Variants in SLC1A1 observed in about 807,000 individuals in gnomAD.
SLC1A1 encodes excitatory amino acid transporter 3.
In SLC1A1, 43 loss-of-function variants were observed where a neutral mutation model predicts 53.3. That is an observed-to-expected ratio of 0.81 (90% CI 0.63 to 1.04). The LOEUF is 1.04. Among genes scored for constraint, SLC1A1 ranks in the 50% least tolerant of loss-of-function variants. The pLI is 0.00. For synonymous variants in SLC1A1, 307 were observed against 243.2 expected (o/e 1.26, Z -2.44); for missense variants, 748 against 664.9 (o/e 1.12, Z -1.37).
intron 4 of SLC1A1, among the ~76,000 whole-genome samples, chr9:4,565,075 T>G (rs1819350960): frequency 6.6e-6 from 1 of 152,214 alleles, no homozygotes; most frequent in African/African-American, 2.4e-5. Context: ...ACCAAAACTT[T>G]TAGACATTGC....
intron 1 of SLC1A1, among the ~76,000 whole-genome samples, chr9:4,491,288 A>T (rs1586680054): frequency 6.6e-6 from 1 of 152,278 alleles, no homozygotes; most frequent in South Asian, 2.1e-4. Context: ...GTCGCCGCTC[A>T]TCCTGGGCAG....
chr9:4,491,731 G>A (rs138090643), intron 1 of SLC1A1, among the ~76,000 whole-genome samples: 2 of 152,298 alleles, frequency 1.3e-5, no homozygotes, highest in African/African-American at 2.4e-5. Context: ...AGCAGGTGAG[G>A]GCTGTTGCAC....
chr9:4,527,424 C>A (rs1321033930), intron 1 of SLC1A1, among the ~76,000 whole-genome samples: 1 of 152,190 alleles, frequency 6.6e-6, no homozygotes, highest in African/African-American at 2.4e-5. Context: ...TCTATCTACC[C>A]TGTTGTATGA....
At chr9:4,573,565 C>T (rs1820263139) in intron 7 of SLC1A1, among the ~76,000 whole-genome samples, 1 of 152,110 alleles carries the variant, frequency 6.6e-6, no homozygotes, top group African/African-American at 2.4e-5. Context: ...GAGGGTCAAG[C>T]TCAAGTGAGA....
At chr9:4,584,645 T>C (rs1340146911) in intron 11 of SLC1A1, among the ~76,000 whole-genome samples, 1 of 152,156 alleles carries the variant, frequency 6.6e-6, no homozygotes, top group Non-Finnish European at 1.5e-5. Context: ...AAATGGATCC[T>C]CTCCTCTGCA....
intron 5 of SLC1A1, among the ~76,000 whole-genome samples, chr9:4,567,285 T>TA (rs1325047809): frequency 6.6e-6 from 1 of 152,210 alleles, no homozygotes; most frequent in Non-Finnish European, 1.5e-5. Context: ...TTGCTCAGAT[T>TA]AAAAATCATT....
Position 4,490,733 on chromosome 9 carries a change from C to A in SLC1A1, c.54C>A (p.Asn18Lys). Residue 18 changes from asparagine to lysine, a missense_variant, in exon 1 of 12, where the codon AAC (asparagine) becomes AAA (lysine). Transcript: ENST00000262352. ...AGTGGAAGCGCTTCCTGAAGAATAA[C>A]TGGGTGTTGCTGTCCACCGTGGCCG... ...GCEWKRFLKN[N>K]WVLLSTVAAV... 6.2e-7 allele frequency: 1 copy of A among 1,612,874 alleles called. No individual in the cohort carries two copies. Among genetic ancestry groups the A allele is most frequent in the South Asian group, 1.1e-5 (1 of 91,048 alleles).
At chr9:4,572,708 C>T (rs1481877905) in intron 7 of SLC1A1, among the ~76,000 whole-genome samples, 2 of 152,098 alleles carry the variant, frequency 1.3e-5, no homozygotes, top group Non-Finnish European at 2.9e-5. Context: ...CCACCATGCC[C>T]AGCTATTTTT....
intron 1 of SLC1A1, among the ~76,000 whole-genome samples, chr9:4,538,041 C>T (rs77966834): frequency 0.021 from 3,124 of 152,156 alleles, 115 homozygotes; most frequent in African/African-American, 0.071. Context: ...ATACAAAAGA[C>T]AATTCATTTG....
intron 1 of SLC1A1, among the ~76,000 whole-genome samples, chr9:4,496,259 G>A (rs963654647): frequency 1.3e-5 from 2 of 152,126 alleles, no homozygotes; most frequent in Admixed American, 6.5e-5. Context: ...GAGGGTCTGA[G>A]GAGGAAGTTC....
chr9:4,573,898 C>A lies in SLC1A1; in HGVS notation c.768-9C>A. 6.3e-7 allele frequency: 1 copy of A among 1,579,696 alleles called. No homozygotes were observed. On this transcript the variant is annotated splice_polypyrimidine_tract_variant and intron_variant, in intron 7 of 11. Coordinates refer to ENST00000262352, the MANE Select transcript of SLC1A1 (RefSeq NM_004170.6). ...ACGGAATCACGCCTCTGTTGTGCTTCCTTTCCAGTTATATGCCACTAGGTA... is the reference window on the plus strand; with the variant it reads ...ACGGAATCACGCCTCTGTTGTGCTTACTTTCCAGTTATATGCCACTAGGTA...
At chr9:4,540,073 A>G (rs1193312730) in intron 1 of SLC1A1, among the ~76,000 whole-genome samples, 1 of 152,110 alleles carries the variant, frequency 6.6e-6, no homozygotes, top group East Asian at 1.9e-4. Context: ...CCTGCCACCC[A>G]TCATGTGCCC....
intron 2 of SLC1A1, among the ~76,000 whole-genome samples, chr9:4,557,682 C>T (rs570430787): frequency 5.5e-4 from 84 of 152,260 alleles, no homozygotes; most frequent in African/African-American, 2.0e-3. Flanking sequence ...GTCAGTCACA[C>T]TAGCCACTTT....
In SLC1A1 at chr9:4,575,993, G is replaced by C. The variant is rs1820509101; in HGVS notation, c.876-8G>C. ...TTTGAAACTTTAATTTCTCTTTCTT[G>C]TTTACAGGCTTGCAATCCACTCCAT... On this transcript the variant is annotated splice_polypyrimidine_tract_variant and splice_region_variant and intron_variant, in intron 8 of 11. Transcript: ENST00000262352. The C allele has an allele frequency of 6.2e-7, 1 of 1,613,886 alleles. No individual in the cohort carries two copies. Among genetic ancestry groups the C allele is most frequent in the Non-Finnish European group, 8.5e-7 (1 of 1,179,766 alleles).
Position 4,490,659 on chromosome 9 carries a change from C to A in SLC1A1, c.-21C>A, listed in dbSNP as rs755339021. 1 of 1,607,568 alleles carries A rather than the reference C, an allele frequency of 6.2e-7. No homozygotes were observed. Among genetic ancestry groups the A allele is most frequent in the Non-Finnish European group, 8.5e-7 (1 of 1,175,046 alleles). On this transcript the variant is annotated 5_prime_UTR_variant, in exon 1 of 12. Coordinates refer to ENST00000262352, the MANE Select transcript of SLC1A1 (RefSeq NM_004170.6). ...CCCACGCGCGCACGGCCGAGCCCAG[C>A]GCACAATAGCGGCGACAGCCATGGG...
chr9:4,581,406 G>C (rs1821086637), intron 10 of SLC1A1, among the ~76,000 whole-genome samples: 1 of 152,240 alleles, frequency 6.6e-6, no homozygotes, highest in South Asian at 2.1e-4. Flanking sequence ...AAGGTTCATA[G>C]TTCTGAGTTT....
Position 4,564,476 on chromosome 9 carries a change from A to T in SLC1A1, c.440+18A>T. On this transcript the variant is annotated intron_variant, in intron 4 of 11. Transcript: ENST00000262352. ...CTCATCAGGTGAGTGTTTTGCCACA[A>T]GGTGGCTTCAAGGGCATGCGGATAG... is the stretch of plus-strand genomic sequence containing the variant. The T allele has an allele frequency of 6.6e-7, 1 of 1,514,168 alleles. No individual in the cohort carries two copies. The highest frequency in any genetic ancestry group is 9.2e-7 in the Non-Finnish European group (1 of 1,091,872). The allele number at this position is 1,514,168 out of a possible 1,614,324, so 93.8% of individuals were successfully genotyped here.
At chr9:4,523,048 T>C (rs184241892) in intron 1 of SLC1A1, among the ~76,000 whole-genome samples, 1 of 152,280 alleles carries the variant, frequency 6.6e-6, no homozygotes, top group Admixed American at 6.5e-5. Flanking sequence ...AGGTACCTAT[T>C]TGTGTTTACT....
Position 4,490,971 on chromosome 9 carries a change from G to A in SLC1A1, c.91+201G>A, listed in dbSNP as rs542425538. Among the ~76,000 whole-genome samples, 7 of 152,310 alleles carry A rather than the reference G, an allele frequency of 4.6e-5. No individual in the cohort carries two copies. In the South Asian group the frequency reaches 1.2e-3, roughly 27 times the overall value. Reference sequence around the variant, plus strand: ...GCACACCAAGAACAAAGCTCCTCTGGGACTCCCATTTGAGTGCTCCTTGAG... The same window carrying A: ...GCACACCAAGAACAAAGCTCCTCTGAGACTCCCATTTGAGTGCTCCTTGAG... On this transcript the variant is annotated intron_variant, in intron 1 of 11. Transcript: ENST00000262352.
Sources: gnomAD v4.1 joint callset for allele counts (sites outside exome capture counted in the v4.1 genomes callset) on GRCh38, gnomAD v4.1.1 for gene constraint, MANE v1.5 for transcripts, NCBI Gene and HGNC (gene_info 2026-07-23, HGNC 2026-07-21) for gene names.